Variants in KRIT1 observed in about 807,000 individuals in gnomAD.
KRIT1 encodes the protein krev interaction trapped protein 1.
In KRIT1, 45 loss-of-function variants were observed where a neutral mutation model predicts 95.8. The observed-to-expected ratio is 0.47, with a 90% CI of 0.37 to 0.60. The LOEUF (loss-of-function observed/expected upper bound fraction) is 0.60, where lower values mean the gene tolerates loss of function less well. Among genes scored for constraint, KRIT1 ranks in the 20% least tolerant of loss-of-function variants. The pLI, the probability that KRIT1 is intolerant of heterozygous loss-of-function variation, is 0.00. For missense variants in KRIT1, 788 were observed against 877.5 expected, an observed-to-expected ratio of 0.90 and a Z score of 1.29; for synonymous variants, 282 against 278.8, an observed-to-expected ratio of 1.01 and a Z score of -0.11.
At chr7:92,216,823 G>A (rs1004846152) in intron 14 of KRIT1, among the ~76,000 whole-genome samples, 5 of 152,028 alleles carry the variant, frequency 3.3e-5, no homozygotes, top group East Asian at 1.9e-4. Flanking sequence ...AACTGACATC[G>A]TATATTTGAA....
chr7:92,221,761 C>G (rs1207030298), intron 14 of KRIT1, 141 bp downstream of exon 14: 1 of 700,656 alleles, frequency 1.4e-6, no homozygotes, highest in African/African-American at 1.8e-5. Flanking sequence ...GTAAGTAGAT[C>G]AACTGAAACT....
intron 14 of KRIT1, among the ~76,000 whole-genome samples, chr7:92,215,243 A>G (rs1584811096): frequency 6.6e-6 from 1 of 152,318 alleles, no homozygotes; most frequent in East Asian, 1.9e-4. Context: ...CAGTTTATAA[A>G]TATGGATAAT....
intron 14 of KRIT1, among the ~76,000 whole-genome samples, chr7:92,219,190 T>C (rs1168432320): frequency 1.3e-5 from 2 of 151,992 alleles, no homozygotes; most frequent in Non-Finnish European, 2.9e-5. Context: ...TTAGAAGAGA[T>C]GGGGTTTTGC....
upstream of KRIT1, chr7:92,245,950 G>A: frequency 4.1e-6 from 1 of 245,228 alleles, no homozygotes; most frequent in Non-Finnish European, 8.0e-6. Context: ...TTGCAGCCTC[G>A]CGGTTGGCGG....
At chr7:92,224,870 T>C (rs2131494451) in intron 12 of KRIT1, among the ~76,000 whole-genome samples, 1 of 152,172 alleles carries the variant, frequency 6.6e-6, no homozygotes, top group East Asian at 1.9e-4. Flanking sequence ...TAAAATTACG[T>C]GTAATCAGGC....
At chr7:92,216,347 T>C (rs1344685199) in intron 14 of KRIT1, among the ~76,000 whole-genome samples, 1 of 150,300 alleles carries the variant, frequency 6.7e-6, no homozygotes, top group African/African-American at 2.4e-5. Flanking sequence ...TAAAATACTC[T>C]ATTATTAAAT....
intron 14 of KRIT1, among the ~76,000 whole-genome samples, chr7:92,216,654 C>A (rs1794056481): frequency 1.3e-5 from 2 of 152,046 alleles, no homozygotes; most frequent in Non-Finnish European, 2.9e-5. Context: ...TAAAATGGTT[C>A]ACAAAGAAAG....
At chr7:92,201,614 C>T in intron 17 of KRIT1, 191 bp from the exon 18 acceptor site, 1 of 540,696 alleles carries the variant, frequency 1.8e-6, no homozygotes, top group Non-Finnish European at 3.3e-6. Flanking sequence ...CATACACATG[C>T]CATGGTGGTT....
chr7:92,225,756 T>G lies in KRIT1; in HGVS notation c.1218A>C (p.Glu406Asp). The change falls in exon 12 of 19, where the codon GAA (glutamate) becomes GAC (aspartate). Residue 406 changes from glutamate (E) to aspartate (D), a missense_variant. Transcript: ENST00000394505. ...CEENKQNNWE[E>D]AAKLLKEAIN... The stretch of plus-strand genomic sequence containing the variant: ...TTGCTTCCTTCAACAATTTTGCAGC[T>G]TCTTCCCAGTTGTTTTGTTTGTTTT... 6.2e-7 allele frequency: 1 copy of G among 1,609,560 alleles called. No homozygotes were observed. Among genetic ancestry groups the G allele is most frequent in the Non-Finnish European group, 8.5e-7 (1 of 1,176,100 alleles).
intron 18 of KRIT1, 51 bp downstream of exon 18, chr7:92,201,256 G>A (rs1790068931): frequency 2.3e-6 from 2 of 868,424 alleles, no homozygotes; most frequent in Admixed American, 1.8e-5. Context: ...AAAAAAAGAA[G>A]TAACTTTACT....
Position 92,212,532 on chromosome 7 carries a change from A to C in KRIT1, c.2025+663T>G, listed in dbSNP as rs555936519. 4.0e-4 allele frequency among the ~76,000 whole-genome samples: 61 copies of C among 152,328 alleles called. 1 individual carries two copies. Among genetic ancestry groups the C allele is most frequent in the African/African-American group, 1.4e-3 (60 of 41,578 alleles). On this transcript the variant is annotated intron_variant, in intron 17 of 18. Coordinates refer to ENST00000394505, the MANE Select transcript of KRIT1 (RefSeq NM_194454.3). ...TGAATGGGATTCATGCCTTTATAAAAGGGACCCCAAGATAACTCCCTCATT... is the reference window on the plus strand; with the variant it reads ...TGAATGGGATTCATGCCTTTATAAACGGGACCCCAAGATAACTCCCTCATT...
Position 92,227,331 on chromosome 7 carries a change from G to A in KRIT1, c.990-649C>T, listed in dbSNP as rs192172573. On this transcript the variant is annotated intron_variant, in intron 10 of 18. Transcript: ENST00000394505. ...TATAATCCCAGCACTTTGGGAGGCA[G>A]AGGCAGGCGGATCACAAGGTCAGGA... Among the ~76,000 whole-genome samples the A allele has an allele frequency of 3.9e-3, 598 of 152,308 alleles. 1 individual carries two copies. The highest frequency in any genetic ancestry group is 0.034 in the Middle Eastern group (10 of 292).
intron 1 of KRIT1, chr7:92,245,451 G>C (rs1489238260): frequency 6.6e-6 from 1 of 151,488 alleles, no homozygotes; most frequent in Non-Finnish European, 1.5e-5. Flanking sequence ...TGTGGAGATG[G>C]TTCAGTCTCC....
At chr7:92,234,347 A>G (rs1186455249) in intron 10 of KRIT1, 102 bp downstream of exon 10, 3 of 940,810 alleles carry the variant, frequency 3.2e-6, no homozygotes, top group Non-Finnish European at 5.0e-6. Flanking sequence ...AAACAGGTAG[A>G]GAAAAAGTAT....
intron 17 of KRIT1, among the ~76,000 whole-genome samples, chr7:92,210,117 C>G (rs1476299790): frequency 6.6e-6 from 1 of 151,904 alleles, no homozygotes; most frequent in Non-Finnish European, 1.5e-5. Flanking sequence ...CAATATTACC[C>G]AAAGCAATCA....
Position 92,200,393 on chromosome 7 carries a change from C to G in KRIT1, c.*343G>C, listed in dbSNP as rs1789880789. The G allele has an allele frequency of 4.1e-6, 1 of 241,042 alleles. No individual in the cohort carries two copies. Among genetic ancestry groups the G allele is most frequent in the Non-Finnish European group, 8.1e-6 (1 of 123,976 alleles). The allele number at this position is 241,042 out of a possible 1,614,324, so 14.9% of individuals were successfully genotyped here. ...TTTTTGAGATGGAGTCTTGCTGTGT[C>G]ACCCAGGCTAGCGTGCCGTGGTGCA... On this transcript the variant is annotated 3_prime_UTR_variant, in exon 19 of 19. Transcript: ENST00000394505.
chr7:92,235,774 TGTTA>T (rs752326725), intron 7 of KRIT1, 128 bp from the exon 8 acceptor site: 184 of 868,336 alleles, frequency 2.1e-4, no homozygotes, highest in East Asian at 2.7e-4. Context: ...TTTAATTTAG[TGTTA>T]GTTAAGTACT....
At chr7:92,226,397 T>A in intron 11 of KRIT1, 129 bp downstream of exon 11, 1 of 735,086 alleles carries the variant, frequency 1.4e-6, no homozygotes, top group Non-Finnish European at 2.4e-6. Context: ...CCGTTACTTA[T>A]TCTATAAAGT....
intron 17 of KRIT1, among the ~76,000 whole-genome samples, chr7:92,203,279 T>A (rs963587119): frequency 5.9e-5 from 9 of 152,212 alleles, no homozygotes; most frequent in African/African-American, 2.2e-4. Flanking sequence ...GCAATCCTAG[T>A]AGACCTTGGT....
Sources: gnomAD v4.1 joint callset for allele counts (sites outside exome capture counted in the v4.1 genomes callset) on GRCh38, gnomAD v4.1.1 for gene constraint, MANE v1.5 for transcripts, NCBI Gene and HGNC (gene_info 2026-07-23, HGNC 2026-07-21) for gene names.